The following UPP2 variants were observed in gnomAD, a reference collection of about 807,000 sequenced individuals.
UPP2 encodes uridine phosphorylase 2.
Under a neutral mutation model 26.7 loss-of-function variants are expected in UPP2, and 23 were observed. That is an observed-to-expected ratio of 0.86 (90% CI 0.62 to 1.22). UPP2 has a LOEUF of 1.22. Among genes scored for constraint, UPP2 ranks in the 50% most tolerant of loss-of-function variants. UPP2 has a pLI of 0.00. For synonymous variants in UPP2, 127 were observed against 141.3 expected, an observed-to-expected ratio of 0.90 and a Z score of 0.72; for missense variants, 387 against 396.7, an observed-to-expected ratio of 0.98 and a Z score of 0.21.
chr2:158,024,575 A>G (rs1683806415), intron 3 of UPP2, among the ~76,000 whole-genome samples: 1 of 152,192 alleles, frequency 6.6e-6, no homozygotes, highest in Non-Finnish European at 1.5e-5. Context: ...GTTAAATGTC[A>G]TCAGTTTTTA....
chr2:158,114,460 T>C (rs1439828543), intron 2 of UPP2, among the ~76,000 whole-genome samples: 1 of 152,184 alleles, frequency 6.6e-6, no homozygotes, highest in East Asian at 1.9e-4. Context: ...TATCCTAATT[T>C]CAGAGAAGGT....
At chr2:158,106,073 C>A in intron 1 of UPP2, 26 bp from the exon 2 acceptor site, 7 of 1,510,924 alleles carry the variant, frequency 4.6e-6, no homozygotes, top group Non-Finnish European at 6.3e-6. Flanking sequence ...TCTTTTATAT[C>A]TTCTTTGTAT....
At chr2:158,061,325 C>T (rs1308949783) in intron 3 of UPP2, among the ~76,000 whole-genome samples, 1 of 152,182 alleles carries the variant, frequency 6.6e-6, no homozygotes, top group African/African-American at 2.4e-5. Context: ...GTGTTCCCCT[C>T]ACACAAGGCC....
chr2:158,066,778 A>T (rs1218141455), intron 3 of UPP2, among the ~76,000 whole-genome samples: 1 of 152,178 alleles, frequency 6.6e-6, no homozygotes, highest in East Asian at 1.9e-4. Flanking sequence ...AAGGCCTTAC[A>T]GTTCATTTAA....
At chr2:158,125,550 T>C (rs1683675292) in intron 6 of UPP2, among the ~76,000 whole-genome samples, 1 of 151,956 alleles carries the variant, frequency 6.6e-6, no homozygotes, top group African/African-American at 2.4e-5. Flanking sequence ...GCCTCCCACA[T>C]AGCTGGAATT....
At chr2:158,013,698 A>T (rs1282571247) in intron 2 of UPP2, among the ~76,000 whole-genome samples, 2 of 152,138 alleles carry the variant, frequency 1.3e-5, no homozygotes, top group African/African-American at 4.8e-5. Flanking sequence ...ATAAATAGTT[A>T]TTTTTCCTGA....
In UPP2 at chr2:158,134,752, T is replaced by A; in HGVS notation, c.816T>A (p.Ala272=). 6.2e-7 allele frequency: 1 copy of A among 1,606,944 alleles called. No homozygotes were observed. Among genetic ancestry groups the A allele is most frequent in the African/African-American group, 1.3e-5 (1 of 74,712 alleles). The part of the protein sequence containing the change: ...AMCGLCGLKA[A]VVCVTLLDRL... ...TTGTGCTAATTGCTCTTCTAGCTGC[T>A]GTGGTCTGTGTGACACTTCTCGACA... The change falls in exon 7 of 7, where the codon GCT becomes GCA. Residue 272 remains alanine (A), a synonymous_variant. Transcript: ENST00000005756.
chr2:158,031,904 A>G (rs1683927087), intron 3 of UPP2, among the ~76,000 whole-genome samples: 1 of 152,220 alleles, frequency 6.6e-6, no homozygotes, highest in African/African-American at 2.4e-5. Context: ...GATCGTGATC[A>G]TGATCATCAC....
chr2:158,107,477 TA>T, intron 2 of UPP2, among the ~76,000 whole-genome samples: 1 of 152,286 alleles, frequency 6.6e-6, no homozygotes, highest in African/African-American at 2.4e-5. Context: ...GTCCAATCTC[TA>T]GGGTTCTTGC....
intron 2 of UPP2, among the ~76,000 whole-genome samples, chr2:158,003,731 G>A (rs75420944): frequency 4.0e-5 from 5 of 124,266 alleles, no homozygotes; most frequent in East Asian, 2.8e-4. Context: ...AAAAAAAAAA[G>A]AGAGAAAACT....
At chr2:158,063,009 C>T (rs1574269845) in intron 3 of UPP2, among the ~76,000 whole-genome samples, 1 of 152,190 alleles carries the variant, frequency 6.6e-6, no homozygotes, top group Non-Finnish European at 1.5e-5. Context: ...TATTCTCCTG[C>T]ATCCCCAAGC....
chr2:157,998,710 G>A (rs1683361084), intron 2 of UPP2, among the ~76,000 whole-genome samples: 1 of 152,190 alleles, frequency 6.6e-6, no homozygotes, highest in African/African-American at 2.4e-5. Flanking sequence ...AGCCTAGGCA[G>A]GAGAATCACT....
At chr2:158,007,748 G>A (rs968718801) in intron 2 of UPP2, among the ~76,000 whole-genome samples, 4 of 151,808 alleles carry the variant, frequency 2.6e-5, no homozygotes, top group African/African-American at 4.8e-5. Flanking sequence ...AGCCTCCTGA[G>A]TAGCTGGGAT....
rs1311804316 is a variant in UPP2, at chr2:158,135,713, C to T, written c.*823C>T. 3 of 152,092 alleles carry T rather than the reference C, an allele frequency of 2.0e-5. No individual in the cohort carries two copies. Among genetic ancestry groups the T allele is most frequent in the Non-Finnish European group, 2.9e-5 (2 of 68,020 alleles). 9.4% of individuals were successfully genotyped at this position (152,092 alleles called of 1,614,324 possible). On this transcript the variant is annotated 3_prime_UTR_variant, in exon 7 of 7. Coordinates refer to ENST00000005756, the MANE Select transcript of UPP2 (RefSeq NM_173355.4). Reference sequence around the variant, plus strand: ...TTGAGTTCAAGATGTTAAAGGAATCCTTTTGTATGACTTGTCCAGACCGGC... The same window carrying T: ...TTGAGTTCAAGATGTTAAAGGAATCTTTTTGTATGACTTGTCCAGACCGGC...
intron 2 of UPP2, 97 bp downstream of exon 2, chr2:158,106,313 C>T (rs1166584958): frequency 1.7e-5 from 17 of 1,004,676 alleles, no homozygotes; most frequent in Non-Finnish European, 1.5e-6. Context: ...TTGGCTAGCA[C>T]AGTCCCAATA....
At position 158,009,912 on chromosome 2, in the gene UPP2, C is replaced by T. The variant is rs144115032; in HGVS notation, c.62-5889C>T. ...TTGGATTTTCTAAAAACGTGGCTAC[C>T]TTACATTATTGCTATTAATCAAGAA... On this transcript the variant is annotated intron_variant, in intron 2 of 9. Transcript: ENST00000605860. 4.7e-3 allele frequency among the ~76,000 whole-genome samples: 723 copies of T among 152,296 alleles called. 7 individuals are homozygous for T. Among genetic ancestry groups the T allele is most frequent in the Non-Finnish European group, 5.7e-3 (387 of 68,018 alleles).
At chr2:158,041,395 T>C (rs1684079821) in intron 3 of UPP2, among the ~76,000 whole-genome samples, 2 of 152,224 alleles carry the variant, frequency 1.3e-5, no homozygotes, top group African/African-American at 4.8e-5. Context: ...TTACTTTACA[T>C]TGACTTTTGC....
intron 2 of UPP2, among the ~76,000 whole-genome samples, chr2:158,003,755 C>G (rs758280): frequency 4.6e-5 from 7 of 150,562 alleles, no homozygotes; most frequent in African/African-American, 1.7e-4. Flanking sequence ...ACTCTGTGGC[C>G]TAGGAATGGA....
intron 3 of UPP2, among the ~76,000 whole-genome samples, chr2:158,032,393 C>T (rs1009269575): frequency 6.6e-6 from 1 of 151,984 alleles, no homozygotes; most frequent in Non-Finnish European, 1.5e-5. Context: ...ACTGGGGAGT[C>T]AAACAGGTAT....
Sources: allele counts gnomAD v4.1 joint callset (sites outside exome capture counted in the v4.1 genomes callset), GRCh38; gene constraint gnomAD v4.1.1; transcripts MANE v1.5; gene names NCBI Gene and HGNC (gene_info 2026-07-23, HGNC 2026-07-21).